Variants in CNTNAP2 observed in about 807,000 individuals in gnomAD.
The protein encoded by CNTNAP2 is contactin-associated protein-like 2.
A neutral mutation model predicts 155.2 loss-of-function variants in CNTNAP2; 98 were observed. The ratio of observed to expected loss-of-function variants is 0.63; its 90% CI spans 0.54 to 0.75. The LOEUF (loss-of-function observed/expected upper bound fraction) is 0.75, where lower values mean the gene tolerates loss of function less well. Among genes scored for constraint, CNTNAP2 ranks in the 30% least tolerant of loss-of-function variants. The pLI is 0.00. For synonymous variants in CNTNAP2, 651 were observed against 631.2 expected (o/e 1.03, Z -0.47); for missense variants, 1,727 against 1,688.1 (o/e 1.02, Z -0.40).
At chr7:146,957,408 A>G (rs1287207124) in intron 3 of CNTNAP2, among the ~76,000 whole-genome samples, 1 of 152,182 alleles carries the variant, frequency 6.6e-6, no homozygotes, top group African/African-American at 2.4e-5. Flanking sequence ...GTGGCATATG[A>G]CTGTACATCT....
At chr7:147,703,981 A>G (rs926649893) in intron 13 of CNTNAP2, among the ~76,000 whole-genome samples, 4 of 152,106 alleles carry the variant, frequency 2.6e-5, no homozygotes, top group Non-Finnish European at 5.9e-5. Context: ...TGCCTGGCAT[A>G]TTTCTTTTAA....
Position 147,272,689 on chromosome 7 carries a change from A to G in CNTNAP2, c.1349-27452A>G, listed in dbSNP as rs181167487. ...ATTTTTTTTTTTTTTTTGTATTTGT[A>G]GTGGAGATGGGGTTTCACCGTGTTA... On this transcript the variant is annotated intron_variant, in intron 8 of 23. Coordinates refer to ENST00000361727, the MANE Select transcript of CNTNAP2 (RefSeq NM_014141.6). Among the ~76,000 whole-genome samples, 22 of 120,740 alleles carry G rather than the reference A, an allele frequency of 1.8e-4. No individual in the cohort carries two copies. In the East Asian group the frequency reaches 4.1e-3, roughly 23 times the overall value. 79.2% of individuals were successfully genotyped at this position (120,740 alleles called of 152,430 possible).
intron 2 of CNTNAP2, among the ~76,000 whole-genome samples, chr7:146,802,177 A>C (rs964009286): frequency 6.6e-6 from 1 of 152,294 alleles, no homozygotes; most frequent in Non-Finnish European, 1.5e-5. Context: ...TGATATGGGT[A>C]TCATGAGGTG....
intron 21 of CNTNAP2, among the ~76,000 whole-genome samples, chr7:148,362,213 A>AAAAC (rs61115020): frequency 0.4 from 59,407 of 150,360 alleles, 12,606 homozygotes; most frequent in East Asian, 0.64. Context: ...AAAAAAACAA[A>AAAAC]AAACAAAACC....
chr7:147,334,377 C>A (rs116088045), intron 9 of CNTNAP2, among the ~76,000 whole-genome samples: 1,735 of 152,208 alleles, frequency 0.011, 39 homozygotes, highest in African/African-American at 0.039. Flanking sequence ...GAAAAATAAC[C>A]AATAACTGTT....
intron 8 of CNTNAP2, among the ~76,000 whole-genome samples, chr7:147,249,720 C>T (rs1443750365): frequency 6.6e-6 from 1 of 150,514 alleles, no homozygotes; most frequent in Non-Finnish European, 1.5e-5. Flanking sequence ...CTGAGGTTTT[C>T]AGTCTTCATA....
chr7:147,503,735 G>A (rs1406329576), intron 11 of CNTNAP2, among the ~76,000 whole-genome samples: 1 of 151,384 alleles, frequency 6.6e-6, no homozygotes, highest in Non-Finnish European at 1.5e-5. Context: ...AATGTCTCTG[G>A]TATTTATACA....
At chr7:146,266,094 G>A (rs1799989771) in intron 1 of CNTNAP2, among the ~76,000 whole-genome samples, 1 of 152,112 alleles carries the variant, frequency 6.6e-6, no homozygotes, top group African/African-American at 2.4e-5. Flanking sequence ...CATGACTTCA[G>A]CTGAGCCAAT....
intron 18 of CNTNAP2, among the ~76,000 whole-genome samples, chr7:148,184,661 C>T (rs1195503621): frequency 6.6e-6 from 1 of 152,162 alleles, no homozygotes; most frequent in East Asian, 1.9e-4. Flanking sequence ...CTATTCTAAA[C>T]TAATTTTGTT....
intron 2 of CNTNAP2, among the ~76,000 whole-genome samples, chr7:146,818,116 C>G (rs908996556): frequency 1.3e-5 from 2 of 151,890 alleles, no homozygotes; most frequent in East Asian, 3.9e-4. Context: ...CTCAAATTTT[C>G]TTTCTTTTCT....
chr7:146,286,830 G>A (rs1800344546), intron 1 of CNTNAP2, among the ~76,000 whole-genome samples: 1 of 152,170 alleles, frequency 6.6e-6, no homozygotes, highest in African/African-American at 2.4e-5. Flanking sequence ...TAGGAGCTGA[G>A]CACAGTGGCT....
intron 8 of CNTNAP2, among the ~76,000 whole-genome samples, chr7:147,199,624 T>G (rs974452727): frequency 6.6e-5 from 10 of 152,058 alleles, no homozygotes; most frequent in South Asian, 2.1e-4. Context: ...TCAAGTCTTT[T>G]TGTAGGGCTT....
chr7:146,198,967 A>G (rs112548762), intron 1 of CNTNAP2, among the ~76,000 whole-genome samples: 2,330 of 152,102 alleles, frequency 0.015, 51 homozygotes, highest in African/African-American at 0.052. Context: ...CCTAATCTCT[A>G]CTCTGTATTC....
At chr7:147,170,968 G>A (rs1802215134) in intron 8 of CNTNAP2, among the ~76,000 whole-genome samples, 2 of 152,118 alleles carry the variant, frequency 1.3e-5, no homozygotes, top group African/African-American at 4.8e-5. Flanking sequence ...GGAGAGCCCT[G>A]AGAGACGGGT....
rs1410618761 is a variant in CNTNAP2, at chr7:148,416,733, T to C, written c.*1117T>C. 1 of 152,670 alleles carries C rather than the reference T, an allele frequency of 6.6e-6. No individual in the cohort carries two copies. The highest frequency in any genetic ancestry group is 2.4e-5 in the African/African-American group (1 of 41,466). The allele number at this position is 152,670 out of a possible 1,614,324, so 9.5% of individuals were successfully genotyped here. A position where few individuals can be genotyped will look rare whatever the true frequency, so the allele number is the denominator to read the frequency against. On this transcript the variant is annotated 3_prime_UTR_variant, in exon 24 of 24. Coordinates refer to ENST00000361727, the MANE Select transcript of CNTNAP2 (RefSeq NM_014141.6). ...GGATGATATGGAAAACACTGCCATATTTTAAATCAACTACTCCACGTGTTT... is the reference window on the plus strand; with the variant it reads ...GGATGATATGGAAAACACTGCCATACTTTAAATCAACTACTCCACGTGTTT...
At chr7:147,520,817 T>C (rs963618925) in intron 11 of CNTNAP2, among the ~76,000 whole-genome samples, 2 of 152,190 alleles carry the variant, frequency 1.3e-5, no homozygotes, top group African/African-American at 2.4e-5. Context: ...GGGTGTTTTC[T>C]TCCTATTATA....
chr7:146,808,161 T>G (rs1417680440), intron 2 of CNTNAP2, among the ~76,000 whole-genome samples: 4 of 152,200 alleles, frequency 2.6e-5, no homozygotes, highest in Non-Finnish European at 5.9e-5. Flanking sequence ...ATATAATTTA[T>G]TCATTGAAGC....
intron 12 of CNTNAP2, among the ~76,000 whole-genome samples, chr7:147,591,877 C>G (rs1800740825): frequency 6.6e-6 from 1 of 152,098 alleles, no homozygotes; most frequent in Non-Finnish European, 1.5e-5. Context: ...AGTTCAGGGC[C>G]TTTACAAATT....
chr7:147,360,385 C>T (rs908248157), intron 9 of CNTNAP2, among the ~76,000 whole-genome samples: 14 of 151,958 alleles, frequency 9.2e-5, no homozygotes, highest in Non-Finnish European at 2.1e-4. Context: ...CCCGTGTCTC[C>T]TGTGATTCAT....
Sources: allele counts gnomAD v4.1 joint callset (sites outside exome capture counted in the v4.1 genomes callset), GRCh38; gene constraint gnomAD v4.1.1; transcripts MANE v1.5; gene names NCBI Gene and HGNC (gene_info 2026-07-23, HGNC 2026-07-21).